Variants in NAV3 observed in about 807,000 individuals in gnomAD.
NAV3 encodes the protein pore membrane and/or filament interacting like protein 1.
NAV3 carries 87 observed loss-of-function variants against 244.7 expected under a neutral mutation model. The observed-to-expected ratio is 0.36, with a 90% CI of 0.30 to 0.42. The LOEUF is 0.42. Among genes scored for constraint, NAV3 ranks in the 20% least tolerant of loss-of-function variants. The pLI, the probability that NAV3 is intolerant of heterozygous loss-of-function variation, is 1.00. For missense variants in NAV3, 2,663 were observed against 2,893.3 expected (o/e 0.92, Z 1.83); for synonymous variants, 1,126 against 1,042.2 (o/e 1.08, Z -1.55).
chr12:78,140,484 C>A (rs998452300), intron 20 of NAV3, 150 bp downstream of exon 20: 45 of 680,654 alleles, frequency 6.6e-5, no homozygotes, highest in Non-Finnish European at 1.1e-4. Flanking sequence ...CTGCCCAATA[C>A]CCAATAAAGT....
chr12:78,104,625 T>C (rs1333500993), intron 12 of NAV3, among the ~76,000 whole-genome samples: 2 of 152,184 alleles, frequency 1.3e-5, no homozygotes, highest in African/African-American at 2.4e-5. Context: ...AATTAACCTA[T>C]GTGTATCCAA....
chr12:77,750,876 T>C (rs2135798959), intron 2 of NAV3, among the ~76,000 whole-genome samples: 1 of 152,356 alleles, frequency 6.6e-6, no homozygotes, highest in South Asian at 2.1e-4. Flanking sequence ...TCAAAGTTTT[T>C]AGGAACTAAC....
intron 24 of NAV3, among the ~76,000 whole-genome samples, chr12:78,170,937 A>G (rs943059048): frequency 1.3e-4 from 19 of 151,732 alleles, no homozygotes; most frequent in Admixed American, 5.3e-4. Flanking sequence ...TATTTAAGGT[A>G]TGTCTTTCCT....
At chr12:78,187,067 C>T (rs553324505) in intron 31 of NAV3, among the ~76,000 whole-genome samples, 7 of 151,964 alleles carry the variant, frequency 4.6e-5, no homozygotes, top group Admixed American at 2.0e-4. Flanking sequence ...GTTAGGGCTT[C>T]GATGTATGAA....
At chr12:77,674,354 C>T (rs575280896) in intron 2 of NAV3, among the ~76,000 whole-genome samples, 1 of 151,968 alleles carries the variant, frequency 6.6e-6, no homozygotes, top group African/African-American at 2.4e-5. Context: ...AGCTAAAGTT[C>T]AACTAACACC....
intron 2 of NAV3, among the ~76,000 whole-genome samples, chr12:77,671,048 C>A (rs1198990033): frequency 1.3e-5 from 2 of 152,092 alleles, no homozygotes; most frequent in Non-Finnish European, 2.9e-5. Context: ...TCTAAAGACT[C>A]ATCCAGAAAG....
At chr12:77,853,367 T>C (rs2136267743) in intron 1 of NAV3, among the ~76,000 whole-genome samples, 1 of 152,360 alleles carries the variant, frequency 6.6e-6, no homozygotes, top group South Asian at 2.1e-4. Context: ...TTTAAACATT[T>C]TCTGCACATG....
intron 1 of NAV3, among the ~76,000 whole-genome samples, chr12:77,894,500 TAAC>T (rs1884337282): frequency 6.6e-6 from 1 of 152,080 alleles, no homozygotes; most frequent in Non-Finnish European, 1.5e-5. Flanking sequence ...CTACCCATAA[TAAC>T]AACATGAGAG....
intron 12 of NAV3, among the ~76,000 whole-genome samples, chr12:78,109,034 GATAA>G (rs1954947813): frequency 6.6e-6 from 1 of 151,612 alleles, no homozygotes; most frequent in African/African-American, 2.4e-5. Flanking sequence ...TATTCAACAA[GATAA>G]ATAAAATTGA....
chr12:77,648,574 GA>G (rs1872696505), intron 2 of NAV3, among the ~76,000 whole-genome samples: 1 of 152,076 alleles, frequency 6.6e-6, no homozygotes, highest in Non-Finnish European at 1.5e-5. Context: ...ACACTCAGTG[GA>G]AGAGCTATCC....
intron 22 of NAV3, among the ~76,000 whole-genome samples, chr12:78,150,191 A>G (rs1255237860): frequency 6.6e-6 from 1 of 152,084 alleles, no homozygotes; most frequent in African/African-American, 2.4e-5. Context: ...CTGAATTTGT[A>G]CCCAGAGGAA....
At position 77,842,160 on chromosome 12, in the gene NAV3, T is replaced by G. The variant is rs550925637; in HGVS notation, c.243+10456T>G. ...ATATCTTTTAAAGCAAAACACTGAA[T>G]AAGAGAAGAACCATAATGACACTCA... is the stretch of plus-strand genomic sequence containing the variant. On this transcript the variant is annotated intron_variant, in intron 1 of 39. Coordinates refer to ENST00000397909, the MANE Select transcript of NAV3 (RefSeq NM_001024383.2). Among the ~76,000 whole-genome samples the G allele has an allele frequency of 6.9e-4, 105 of 152,268 alleles. 1 individual carries two copies. Among genetic ancestry groups the G allele is most frequent in the African/African-American group, 2.2e-3 (90 of 41,566 alleles).
At chr12:78,017,231 T>C (rs934067930) in intron 8 of NAV3, among the ~76,000 whole-genome samples, 2 of 152,156 alleles carry the variant, frequency 1.3e-5, no homozygotes, top group Non-Finnish European at 2.9e-5. Flanking sequence ...GTAATAGCTC[T>C]CATGGTAATC....
chr12:78,006,456 T>C lies in NAV3; in HGVS notation c.918T>C (p.Asn306=), dbSNP rs200612853. Residue 306 remains asparagine (N), a synonymous_variant, in exon 8 of 40, where the codon AAT becomes AAC. Coordinates refer to ENST00000397909, the MANE Select transcript of NAV3 (RefSeq NM_001024383.2). ...GACCTCAATCGTCTTCAGGTGTAAA[T>C]GGTAACGTGCAGCCTCCCAGTACTG... ...SKGPQSSSGV[N]GNVQPPSTAG... 5.5e-4 allele frequency: 884 copies of C among 1,614,104 alleles called. No individual in the cohort carries two copies. The highest frequency in any genetic ancestry group is 9.9e-4 in the Middle Eastern group (6 of 6,062).
intron 12 of NAV3, among the ~76,000 whole-genome samples, chr12:78,088,452 G>A (rs1429914558): frequency 6.6e-6 from 1 of 152,028 alleles, no homozygotes; most frequent in Non-Finnish European, 1.5e-5. Flanking sequence ...GATCACATTG[G>A]TCTTGCAATT....
At chr12:77,948,327 T>A (rs1469785956) in intron 3 of NAV3, among the ~76,000 whole-genome samples, 1 of 152,046 alleles carries the variant, frequency 6.6e-6, no homozygotes, top group African/African-American at 2.4e-5. Flanking sequence ...GAAATTGGAA[T>A]AAAGTAACGG....
chr12:77,822,236 T>G (rs10160931), intron 2 of NAV3, among the ~76,000 whole-genome samples: 50,293 of 152,092 alleles, frequency 0.33, 8,898 homozygotes, highest in East Asian at 0.46. Context: ...ATAAACAATT[T>G]CCACCTCTCC....
intron 22 of NAV3, among the ~76,000 whole-genome samples, chr12:78,157,276 G>A (rs1957342405): frequency 6.6e-6 from 1 of 151,938 alleles, no homozygotes; most frequent in African/African-American, 2.4e-5. Flanking sequence ...CAGGTGTGGT[G>A]GCTCACACCT....
intron 2 of NAV3, among the ~76,000 whole-genome samples, chr12:77,636,654 C>G (rs1872170470): frequency 6.6e-6 from 1 of 151,832 alleles, no homozygotes; most frequent in South Asian, 2.1e-4. Flanking sequence ...GGGTATATAC[C>G]CAAAGGATTA....
Sources: gnomAD v4.1 joint callset for allele counts (sites outside exome capture counted in the v4.1 genomes callset) on GRCh38, gnomAD v4.1.1 for gene constraint, MANE v1.5 for transcripts, NCBI Gene and HGNC (gene_info 2026-07-23, HGNC 2026-07-21) for gene names.